RGS6: variants seen among roughly 807,000 people sequenced by gnomAD.
RGS6 encodes regulator of G protein signaling 6, also known as regulator of G-protein signaling 6.
Under a neutral mutation model 78.5 loss-of-function variants are expected in RGS6, and 30 were observed. The observed-to-expected ratio is 0.38, with a 90% CI of 0.29 to 0.52. The LOEUF is 0.52. RGS6 is among the 20% of genes least tolerant of loss of function. The probability of loss-of-function intolerance (pLI) is 0.85; values close to 1 mark genes in which losing one functional copy is unlikely to be tolerated. For synonymous variants in RGS6, 206 were observed against 206.0 expected (o/e 1.00, Z 0.00); for missense variants, 495 against 609.7 (o/e 0.81, Z 1.98).
At chr14:72,284,593 G>T (rs947907123) in intron 2 of RGS6, among the ~76,000 whole-genome samples, 1 of 152,228 alleles carries the variant, frequency 6.6e-6, no homozygotes, top group Admixed American at 6.5e-5. Flanking sequence ...GAAGCTTTCT[G>T]TAGGGGTGGG....
chr14:72,612,094 A>C, the RGS6 span, among the ~76,000 whole-genome samples: 1 of 152,172 alleles, frequency 6.6e-6, no homozygotes, highest in Non-Finnish European at 1.5e-5. Context: ...CCCTGCAATG[A>C]TTCATGGCAG....
chr14:72,362,566 G>T (rs2081651312), intron 3 of RGS6, among the ~76,000 whole-genome samples: 1 of 152,070 alleles, frequency 6.6e-6, no homozygotes, highest in African/African-American at 2.4e-5. Context: ...CTTAACTGGG[G>T]TCTCAGTTCT....
At chr14:72,304,210 A>G (rs2066728087) in intron 2 of RGS6, among the ~76,000 whole-genome samples, 1 of 152,222 alleles carries the variant, frequency 6.6e-6, no homozygotes, top group East Asian at 1.9e-4. Flanking sequence ...CTGCAAGTGT[A>G]TGTGACTAGT....
chr14:72,501,423 A>G (rs2096724704), intron 13 of RGS6, among the ~76,000 whole-genome samples: 1 of 152,208 alleles, frequency 6.6e-6, no homozygotes, highest in South Asian at 2.1e-4. Context: ...GTTTTAAAGG[A>G]TGGGCAAACT....
intron 13 of RGS6, among the ~76,000 whole-genome samples, chr14:72,503,736 C>T (rs1047184084): frequency 3.3e-5 from 5 of 152,248 alleles, no homozygotes; most frequent in African/African-American, 1.2e-4. Flanking sequence ...GCAGCCCCAC[C>T]TCCATAGCTC....
At chr14:72,541,594 C>T in intron 17 of RGS6, 1 of 1,535,678 alleles carries the variant, frequency 6.5e-7, no homozygotes, top group Non-Finnish European at 8.7e-7. Context: ...CTGGGACTTC[C>T]TTCACTCCAT....
the RGS6 span, among the ~76,000 whole-genome samples, chr14:72,589,989 A>C: frequency 6.6e-6 from 1 of 152,224 alleles, no homozygotes; most frequent in African/African-American, 2.4e-5. Context: ...AAAGATTTGA[A>C]CAGGCACTTC....
chr14:72,407,538 A>G (rs571653617), intron 3 of RGS6, among the ~76,000 whole-genome samples: 1 of 152,350 alleles, frequency 6.6e-6, no homozygotes, highest in African/African-American at 2.4e-5. Context: ...TATTTGGTCA[A>G]ACATGATTGT....
chr14:72,168,377 A>AT (rs2096959195), intron 2 of RGS6, among the ~76,000 whole-genome samples: 2 of 152,142 alleles, frequency 1.3e-5, no homozygotes, highest in South Asian at 4.1e-4. Flanking sequence ...TGGAATCCTG[A>AT]TGGCGGGGAA....
At chr14:72,452,238 C>CTT (rs1217056246) in intron 3 of RGS6, among the ~76,000 whole-genome samples, 6 of 152,010 alleles carry the variant, frequency 3.9e-5, no homozygotes, top group African/African-American at 1.2e-4. Context: ...CTCTCTCTCT[C>CTT]TCTCTCTCTC....
intron 2 of RGS6, among the ~76,000 whole-genome samples, chr14:72,004,056 A>G (rs1367245875): frequency 1.3e-5 from 2 of 152,196 alleles, no homozygotes; most frequent in Non-Finnish European, 1.5e-5. Flanking sequence ...TTTAATTGGT[A>G]TGGGGTAAGA....
intron 2 of RGS6, among the ~76,000 whole-genome samples, chr14:72,237,854 G>A (rs1396374399): frequency 2.6e-5 from 4 of 152,120 alleles, no homozygotes; most frequent in East Asian, 1.9e-4. Flanking sequence ...TGGAGCCCTC[G>A]AGGGCATGTG....
intron 2 of RGS6, among the ~76,000 whole-genome samples, chr14:72,139,625 A>AT (rs2096507323): frequency 6.6e-6 from 1 of 152,224 alleles, no homozygotes; most frequent in African/African-American, 2.4e-5. Context: ...AAAGTTGTTT[A>AT]TAGATAGAGT....
chr14:72,462,492 G>A (rs1429226286), intron 6 of RGS6, among the ~76,000 whole-genome samples: 1 of 152,140 alleles, frequency 6.6e-6, no homozygotes, highest in Non-Finnish European at 1.5e-5. Flanking sequence ...CCACCTAGTA[G>A]GGTTATTATG....
In RGS6 at chr14:72,335,315, G is replaced by A. The variant is rs556128245; in HGVS notation, c.85-16780G>A. Among the ~76,000 whole-genome samples, 70 of 152,032 alleles carry A rather than the reference G, an allele frequency of 4.6e-4. 1 individual carries two copies. The highest frequency in any genetic ancestry group is 1.5e-3 in the African/African-American group (62 of 41,448). On this transcript the variant is annotated intron_variant, in intron 2 of 17. Transcript: ENST00000553525. ...GCAGACCACTTTTCCTTCCTTCTCC[G>A]CTACTGACTGCCCCCATCCCTGTTT...
chr14:72,601,713 C>T, the RGS6 span, among the ~76,000 whole-genome samples: 1 of 152,192 alleles, frequency 6.6e-6, no homozygotes, highest in Non-Finnish European at 1.5e-5. Flanking sequence ...TAAATATGTA[C>T]AATTATTGTG....
At chr14:72,331,488 G>A (rs1260136485) in intron 2 of RGS6, among the ~76,000 whole-genome samples, 1 of 152,112 alleles carries the variant, frequency 6.6e-6, no homozygotes, top group Non-Finnish European at 1.5e-5. Flanking sequence ...CAATTGCCCC[G>A]GGAGTGCAGC....
At position 72,476,750 on chromosome 14, in the gene RGS6, T is replaced by C; in HGVS notation, c.702T>C (p.Tyr234=). The C allele has an allele frequency of 1.9e-6, 3 of 1,614,134 alleles. No individual in the cohort carries two copies. Reference sequence around the variant, plus strand: ...CTTGCTTCTTCTCCTAGTCCGTGTATGGCGTGACTGAAGAGTCCCAGGCAC... The same window carrying C: ...CTTGCTTCTTCTCCTAGTCCGTGTACGGCGTGACTGAAGAGTCCCAGGCAC... ...KNPQKVKKSV[Y]GVTEESQAQS... Residue 234 remains tyrosine (Y), a synonymous_variant, in exon 11 of 18, where the codon TAT becomes TAC. Transcript: ENST00000553525.
the RGS6 span, among the ~76,000 whole-genome samples, chr14:71,885,108 G>A: frequency 1.3e-5 from 2 of 152,084 alleles, no homozygotes; most frequent in Non-Finnish European, 2.9e-5. Flanking sequence ...CTTCACCCAC[G>A]CTTCCTTTAC....
Sources: allele counts gnomAD v4.1 joint callset (sites outside exome capture counted in the v4.1 genomes callset), GRCh38; gene constraint gnomAD v4.1.1; transcripts MANE v1.5; gene names NCBI Gene and HGNC (gene_info 2026-07-23, HGNC 2026-07-21).